Variants in ENPP6 observed in about 807,000 individuals in gnomAD.
ENPP6 encodes the protein ectonucleotide pyrophosphatase/phosphodiesterase 6.
Under a neutral mutation model 42.0 loss-of-function variants are expected in ENPP6, and 32 were observed. That is an observed-to-expected ratio of 0.76 (90% confidence interval 0.58 to 1.02). The LOEUF (loss-of-function observed/expected upper bound fraction) is 1.02, where lower values mean the gene tolerates loss of function less well. Among genes scored for constraint, ENPP6 ranks in the 50% least tolerant of loss-of-function variants. The pLI is 0.00. For missense variants in ENPP6, 552 were observed against 566.8 expected, an observed-to-expected ratio of 0.97 and a Z score of 0.27; for synonymous variants, 213 against 216.0, an observed-to-expected ratio of 0.99 and a Z score of 0.12.
chr4:184,130,562 A>G (rs1736586412), intron 2 of ENPP6, among the ~76,000 whole-genome samples: 1 of 128,076 alleles, frequency 7.8e-6, no homozygotes, highest in Non-Finnish European at 1.7e-5. Context: ...CAAATCAAAC[A>G]AAACAAAACA....
At chr4:184,140,329 G>A (rs1342484192) in intron 2 of ENPP6, among the ~76,000 whole-genome samples, 10 of 151,676 alleles carry the variant, frequency 6.6e-5, no homozygotes, top group African/African-American at 1.7e-4. Context: ...GTAATTTACA[G>A]ATTCAATGCC....
chr4:184,182,931 G>A lies in ENPP6; in HGVS notation c.242-29198C>T, dbSNP rs1262810061. Among the ~76,000 whole-genome samples, 4 of 152,290 alleles carry A rather than the reference G, an allele frequency of 2.6e-5. No homozygotes were observed. In the East Asian group the frequency reaches 5.8e-4, roughly 22 times the overall value. On this transcript the variant is annotated intron_variant, in intron 1 of 7. Coordinates refer to ENST00000296741, the MANE Select transcript of ENPP6 (RefSeq NM_153343.4). ...GGGCTTAATACCTAGGTGATGGGTT[G>A]ATAGGTGCAGCCAACCACCATGGCA... is the stretch of plus-strand genomic sequence containing the variant.
intron 1 of ENPP6, chr4:184,203,896 C>G (rs778497110): frequency 1.3e-5 from 2 of 152,210 alleles, no homozygotes; most frequent in African/African-American, 2.4e-5. Context: ...GTGTCACGAT[C>G]CCGTTTATAT....
chr4:184,186,359 A>G (rs962785111), intron 1 of ENPP6, among the ~76,000 whole-genome samples: 2 of 152,232 alleles, frequency 1.3e-5, no homozygotes, highest in East Asian at 3.8e-4. Context: ...AAATATCTAC[A>G]AAAGGCAAAG....
intron 1 of ENPP6, among the ~76,000 whole-genome samples, chr4:184,159,476 T>C (rs1381049240): frequency 6.6e-6 from 1 of 152,138 alleles, no homozygotes; most frequent in East Asian, 1.9e-4. Flanking sequence ...TCATGATGCA[T>C]ATTTGTTATT....
At chr4:184,094,640 G>A (rs899422167) in intron 7 of ENPP6, among the ~76,000 whole-genome samples, 12 of 152,228 alleles carry the variant, frequency 7.9e-5, no homozygotes, top group African/African-American at 2.7e-4. Context: ...TTATCCTCGC[G>A]TGTTTACATT....
At chr4:184,176,546 C>G (rs1455442451) in intron 1 of ENPP6, among the ~76,000 whole-genome samples, 1 of 152,090 alleles carries the variant, frequency 6.6e-6, no homozygotes, top group Non-Finnish European at 1.5e-5. Flanking sequence ...GCAGTGAGCA[C>G]ACCTCCTGCG....
intron 5 of ENPP6, among the ~76,000 whole-genome samples, chr4:184,116,405 C>A (rs189594708): frequency 3.3e-5 from 5 of 152,134 alleles, no homozygotes; most frequent in Non-Finnish European, 7.4e-5. Flanking sequence ...CTCCAGCACC[C>A]GAGCTCCTGA....
intron 1 of ENPP6, among the ~76,000 whole-genome samples, chr4:184,192,070 G>A (rs1381133311): frequency 1.3e-5 from 2 of 152,188 alleles, no homozygotes; most frequent in Non-Finnish European, 2.9e-5. Context: ...TTGGACTACA[G>A]ATTCAACACA....
intron 1 of ENPP6, among the ~76,000 whole-genome samples, chr4:184,196,160 G>A (rs1357900125): frequency 3.9e-5 from 6 of 152,156 alleles, no homozygotes; most frequent in Admixed American, 1.3e-4. Flanking sequence ...GTTCACCCAC[G>A]AGGCCCTTCC....
chr4:184,129,577 A>G (rs1736561795), intron 2 of ENPP6, among the ~76,000 whole-genome samples: 1 of 152,194 alleles, frequency 6.6e-6, no homozygotes, highest in Non-Finnish European at 1.5e-5. Context: ...TATGGTCTAC[A>G]TGCTTTGCCT....
chr4:184,127,389 CAG>C (rs1285728534), intron 2 of ENPP6, among the ~76,000 whole-genome samples: 1 of 151,852 alleles, frequency 6.6e-6, no homozygotes, highest in African/African-American at 2.4e-5. Context: ...AAAGGAGAAA[CAG>C]AGGAACAAAA....
rs1554000365 is a variant in ENPP6, at chr4:184,206,251, A to ATTTTTTT, written c.241+11321_241+11327dup. ...GAACAGCCCCTCAAAGGAAGCTTGAATTTTTTTTTTTTTTTTTTTTTTTTG... is the reference window on the plus strand; with the variant it reads ...GAACAGCCCCTCAAAGGAAGCTTGAATTTTTTTTTTTTTTTTTTTTTTTTTTTTTTTG... On this transcript the variant is annotated intron_variant, in intron 1 of 7. Coordinates refer to ENST00000296741, the MANE Select transcript of ENPP6 (RefSeq NM_153343.4). 5.4e-5 allele frequency among the ~76,000 whole-genome samples: 5 copies of ATTTTTTT among 93,384 alleles called. 1 individual carries two copies. The highest frequency in any genetic ancestry group is 8.9e-5 in the African/African-American group (2 of 22,442). The allele number at this position is 93,384 out of a possible 152,430, so 61.3% of individuals were successfully genotyped here.
Position 184,210,087 on chromosome 4 carries a change from C to T in ENPP6, c.241+7492G>A, listed in dbSNP as rs554881621. ...GTCCTAAAAGAGCTCCTGAAGGAAG[C>T]GCTAAACAGGGAAAGGAACAACCGG... On this transcript the variant is annotated intron_variant, in intron 1 of 7. Coordinates refer to ENST00000296741, the MANE Select transcript of ENPP6 (RefSeq NM_153343.4). Among the ~76,000 whole-genome samples, 23 of 151,418 alleles carry T rather than the reference C, an allele frequency of 1.5e-4. 1 individual carries two copies. Among genetic ancestry groups the T allele is most frequent in the South Asian group, 8.4e-4 (4 of 4,758 alleles).
chr4:184,115,317 G>A (rs1001913884), intron 5 of ENPP6, among the ~76,000 whole-genome samples: 18 of 152,212 alleles, frequency 1.2e-4, no homozygotes, highest in African/African-American at 4.3e-4. Flanking sequence ...CTGGGAGTGG[G>A]ACAAGCCACA....
chr4:184,151,372 C>G (rs928959251), intron 2 of ENPP6, among the ~76,000 whole-genome samples: 1 of 152,138 alleles, frequency 6.6e-6, no homozygotes, highest in Non-Finnish European at 1.5e-5. Context: ...TAATAATACC[C>G]TGTACTGCTG....
chr4:184,205,612 C>T (rs1263404511), intron 1 of ENPP6, among the ~76,000 whole-genome samples: 1 of 152,222 alleles, frequency 6.6e-6, no homozygotes. Context: ...GGAGTGGTGT[C>T]ATCAGGACTG....
At chr4:184,171,592 T>C (rs1737461872) in intron 1 of ENPP6, among the ~76,000 whole-genome samples, 1 of 152,196 alleles carries the variant, frequency 6.6e-6, no homozygotes, top group Non-Finnish European at 1.5e-5. Flanking sequence ...TTAAGCGGTG[T>C]CACGAGCCAG....
chr4:184,121,339 C>G (rs1325990161), intron 3 of ENPP6, among the ~76,000 whole-genome samples: 1 of 152,208 alleles, frequency 6.6e-6, no homozygotes, highest in African/African-American at 2.4e-5. Context: ...GACATAGATC[C>G]TCTGCTGAAA....
Sources: allele counts gnomAD v4.1 joint callset (sites outside exome capture counted in the v4.1 genomes callset), GRCh38; gene constraint gnomAD v4.1.1; transcripts MANE v1.5; gene names NCBI Gene and HGNC (gene_info 2026-07-23, HGNC 2026-07-21).